The following TBC1D9B variants were observed in gnomAD, a reference collection of about 807,000 sequenced individuals.
TBC1D9B encodes TBC1 domain family, member 9B (with GRAM domain).
In TBC1D9B, 87 loss-of-function variants were observed where a neutral mutation model predicts 121.1. The observed-to-expected ratio is 0.72, with a 90% CI of 0.60 to 0.86. TBC1D9B has a LOEUF of 0.86. Among genes scored for constraint, TBC1D9B ranks in the 40% least tolerant of loss-of-function variants. The pLI, the probability that TBC1D9B is intolerant of heterozygous loss-of-function variation, is 0.00. For missense variants in TBC1D9B, 1,540 were observed against 1,628.6 expected (o/e 0.95, Z 0.94); for synonymous variants, 668 against 670.1 (o/e 1.00, Z 0.05).
chr5:179,878,859 G>A (rs566018263), intron 9 of TBC1D9B, among the ~76,000 whole-genome samples, 188 bp downstream of exon 9: 11 of 152,178 alleles, frequency 7.2e-5, no homozygotes, highest in South Asian at 2.1e-4. Flanking sequence ...TCTGTCCCTC[G>A]AGATGCTCCT....
rs766863842 is a variant in TBC1D9B at position 179,879,126 on chromosome 5, G to A, written c.1488C>T (p.Tyr496=). Residue 496 remains tyrosine (Y), a synonymous_variant, in exon 9 of 21, where the codon TAC becomes TAT. Coordinates refer to ENST00000355235, the MANE Select transcript of TBC1D9B (RefSeq NM_015043.4). ...CCAGTGCCCGCGTCTTGGCTGTGCG[G>A]TACATGCACACGCCACGCCCGTACT... ...FFEYGRGVCM[Y]RTAKTRALVL... is the part of the protein sequence containing the mutation. 8.1e-6 allele frequency: 13 copies of A among 1,607,862 alleles called. No individual in the cohort carries two copies. In the East Asian group the frequency reaches 1.1e-4, roughly 14 times the overall value.
Position 179,879,162 on chromosome 5 carries a change from G to A in TBC1D9B, c.1452C>T (p.Ile484=), listed in dbSNP as rs1480898815. ...CGCCACGCCCGTACTCGAAGAAGTG[G>A]ATGTGCCATGACTCCTCTTTCATCT... ...KEKMKEESWH[I]HFFEYGRGVC... Residue 484 remains isoleucine, a synonymous_variant, in exon 9 of 21, where the codon ATC becomes ATT. Transcript: ENST00000355235. The A allele has an allele frequency of 1.2e-6, 2 of 1,605,004 alleles. No individual in the cohort carries two copies. The highest frequency in any genetic ancestry group is 3.3e-5 in the Admixed American group (2 of 59,734).
At chr5:179,905,804 T>C (rs1245695207) in intron 1 of TBC1D9B, among the ~76,000 whole-genome samples, 1 of 152,234 alleles carries the variant, frequency 6.6e-6, no homozygotes, top group Non-Finnish European at 1.5e-5. Flanking sequence ...GATCTGAAAA[T>C]ATTTTGTTAC....
chr5:179,877,877 G>C (rs1358749227), intron 10 of TBC1D9B, among the ~76,000 whole-genome samples: 2 of 152,142 alleles, frequency 1.3e-5, no homozygotes, highest in Non-Finnish European at 2.9e-5. Flanking sequence ...ATGGAAAGTA[G>C]AACAGTGGTT....
chr5:179,876,749 G>A lies in TBC1D9B; in HGVS notation c.1783-712C>T, dbSNP rs189494186. Among the ~76,000 whole-genome samples the A allele has an allele frequency of 1.9e-3, 284 of 152,184 alleles. 2 individuals carry two copies. The highest frequency in any genetic ancestry group is 6.4e-3 in the African/African-American group (265 of 41,524). On this transcript the variant is annotated intron_variant, in intron 10 of 20. Transcript: ENST00000355235. ...GGGAATATAAAATGGTGCAGCTGCT[G>A]GGGAGGAAGTATGGAGTTCCTCAAA...
Position 179,879,712 on chromosome 5 carries a change from A to T in TBC1D9B, c.1332T>A (p.Cys444Ter), listed in dbSNP as rs1760476552. 1 of 1,614,056 alleles carries T rather than the reference A, an allele frequency of 6.2e-7. No homozygotes were observed. Among genetic ancestry groups the T allele is most frequent in the Non-Finnish European group, 8.5e-7 (1 of 1,180,040 alleles). Reference sequence around the variant, plus strand: ...GGGATGCGGTTGGCGCCTCCTGCGCACAGAAGCTCTGGCGGCTGCTGAGGG... The same window carrying T: ...GGGATGCGGTTGGCGCCTCCTGCGCTCAGAAGCTCTGGCGGCTGCTGAGGG... ...ASPLSSRQSF[C>*]AQEAPTASQG... Residue 444 changes from cysteine to a stop codon, truncating the protein, a stop_gained, in exon 8 of 21, where the codon TGT (cysteine) becomes TGA (stop). Coordinates refer to ENST00000355235, the MANE Select transcript of TBC1D9B (RefSeq NM_015043.4). LOFTEE classifies it high-confidence loss of function.
In TBC1D9B at chr5:179,863,767, TCAGA is replaced by T; in HGVS notation, c.3379_3382del (p.Ser1127ThrfsTer64). 9 of 1,613,614 alleles carry T rather than the reference TCAGA, an allele frequency of 5.6e-6. No homozygotes were observed. The highest frequency in any genetic ancestry group is 7.6e-6 in the Non-Finnish European group (9 of 1,179,992). On this transcript the variant is annotated frameshift_variant, in exon 21 of 21. Coordinates refer to ENST00000355235, the MANE Select transcript of TBC1D9B (RefSeq NM_015043.4). LOFTEE classifies it low-confidence loss of function (END_TRUNC). This position sits in a 1 kb window ranked among gnomAD's most constrained non-coding sequence, Gnocchi z 4.5. ...GGACATGTCGTCTTTGGTTTCATCGTCAGACAGCAGCTGGGAGGGTGAGCCCTGT... is the reference window on the plus strand; with the variant it reads ...GGACATGTCGTCTTTGGTTTCATCGTCAGCAGCTGGGAGGGTGAGCCCTGT...
rs568130141 is a variant in TBC1D9B at position 179,902,662 on chromosome 5, C to T, written c.229+2040G>A. 6.6e-6 allele frequency among the ~76,000 whole-genome samples: 1 copy of T among 152,102 alleles called. No individual in the cohort carries two copies. The highest frequency in any genetic ancestry group is 1.5e-5 in the Non-Finnish European group (1 of 67,856). On this transcript the variant is annotated intron_variant, in intron 2 of 20. Coordinates refer to ENST00000355235, the MANE Select transcript of TBC1D9B (RefSeq NM_015043.4). This position sits in a 1 kb window ranked among gnomAD's most constrained non-coding sequence, Gnocchi z 4.9. ...CACTCTGCCCCTCGTACTTTTCTCTCCCCAGGGACGGGCAGCTCTTGCTGC... is the reference window on the plus strand; with the variant it reads ...CACTCTGCCCCTCGTACTTTTCTCTTCCCAGGGACGGGCAGCTCTTGCTGC...
Position 179,907,888 on chromosome 5 carries a change from A to AGCGGAGCGTGCGGAGCGGAGCGT in TBC1D9B, c.-68_-67insACGCTCCGCTCCGCACGCTCCGC, listed in dbSNP as rs1554098606. ...GCGCCCGCCGCCGTCGGCGTCCCGG[A>AGCGGAGCGTGCGGAGCGGAGCGT]GCGGAGCGTGCGGAGCGGAGCGTGC... is the stretch of plus-strand genomic sequence containing the variant. On this transcript the variant is annotated 5_prime_UTR_variant, in exon 1 of 21. Coordinates refer to ENST00000355235, the MANE Select transcript of TBC1D9B (RefSeq NM_015043.4). The surrounding 1 kb of genome is among the most constrained non-coding windows in gnomAD (Gnocchi z 5.3). 19 of 914,120 alleles carry AGCGGAGCGTGCGGAGCGGAGCGT rather than the reference A, an allele frequency of 2.1e-5. No individual in the cohort carries two copies. The African/African-American group carries it at 4.0e-4, about 19-fold the overall frequency. The allele number at this position is 914,120 out of a possible 1,614,324, so 56.6% of individuals were successfully genotyped here. A position where few individuals can be genotyped will look rare whatever the true frequency, so the allele number is the denominator to read the frequency against.
At position 179,907,167 on chromosome 5, in the gene TBC1D9B, G is replaced by C. The variant is rs187318750; in HGVS notation, c.118+537C>G. Among the ~76,000 whole-genome samples the C allele has an allele frequency of 1.3e-5, 2 of 152,218 alleles. No homozygotes were observed. Among genetic ancestry groups the C allele is most frequent in the Non-Finnish European group, 2.9e-5 (2 of 68,032 alleles). The stretch of plus-strand genomic sequence containing the variant: ...GAGAGCAGCCAGGAGCAGGAAAGGT[G>C]GGGGAGGAGAAGCTGGGGGAATGGG... On this transcript the variant is annotated intron_variant, in intron 1 of 20. Transcript: ENST00000355235. This position sits in a 1 kb window ranked among gnomAD's most constrained non-coding sequence, Gnocchi z 5.3.
At chr5:179,889,067 T>G (rs1760781868) in intron 6 of TBC1D9B, among the ~76,000 whole-genome samples, 1 of 151,152 alleles carries the variant, frequency 6.6e-6, no homozygotes, top group African/African-American at 2.4e-5. Flanking sequence ...AGTCTCGCTG[T>G]CGCCCAGGCT....
rs528040948 is a variant in TBC1D9B at position 179,879,892 on chromosome 5, G to C, written c.1255-103C>G. ...GCTGGATCGGGGCCCGGTGCAAGAA[G>C]GGCCATGGGGGCAAACGGTGCACGG... is the stretch of plus-strand genomic sequence containing the variant. On this transcript the variant is annotated intron_variant, in intron 7 of 20. Transcript: ENST00000355235. The C allele has an allele frequency of 2.3e-6, 3 of 1,329,876 alleles. No individual in the cohort carries two copies. In the South Asian group the frequency reaches 4.5e-5, roughly 20 times the overall value. 82.4% of individuals were successfully genotyped at this position (1,329,876 alleles called of 1,614,324 possible).
intron 7 of TBC1D9B, among the ~76,000 whole-genome samples, chr5:179,887,515 T>A (rs1420008530): frequency 1.3e-5 from 2 of 152,190 alleles, no homozygotes; most frequent in Non-Finnish European, 2.9e-5. Context: ...TGTGGAAGAA[T>A]AAACGAGAGC....
At chr5:179,877,853 T>C (rs954296355) in intron 10 of TBC1D9B, among the ~76,000 whole-genome samples, 2 of 151,992 alleles carry the variant, frequency 1.3e-5, no homozygotes, top group Admixed American at 6.6e-5. Context: ...GACACAGTAG[T>C]CAAATTCATA....
rs1191785895 is a variant in TBC1D9B, at chr5:179,875,814, A to AG, written c.1900+105dup. 1.6e-5 allele frequency: 14 copies of AG among 858,330 alleles called. No homozygotes were observed. Among genetic ancestry groups the AG allele is most frequent in the Middle Eastern group, 7.3e-4 (2 of 2,752 alleles). The allele number at this position is 858,330 out of a possible 1,614,324, so 53.2% of individuals were successfully genotyped here. A position where few individuals can be genotyped will look rare whatever the true frequency, so the allele number is the denominator to read the frequency against. ...TGTGTAATACTACCCTCTAACTCCT[A>AG]GGGAACCCACGTGAAGCCTGGAGCT... On this transcript the variant is annotated intron_variant, in intron 11 of 20. Transcript: ENST00000355235. The surrounding 1 kb of genome is among the most constrained non-coding windows in gnomAD (Gnocchi z 4.5).
intron 1 of TBC1D9B, among the ~76,000 whole-genome samples, chr5:179,905,297 C>G (rs1361445257): frequency 6.6e-6 from 1 of 152,188 alleles, no homozygotes; most frequent in African/African-American, 2.4e-5. Flanking sequence ...CAGTTCTGGT[C>G]CTGTACTCAT....
rs773413418 is a variant in TBC1D9B, at chr5:179,875,901, A to G, written c.1900+19T>C. ...AGGCACCTGGAGACCCAGGCGAGGC[A>G]GCACCCGGGGACACTCACCCACCAC... is the stretch of plus-strand genomic sequence containing the variant. On this transcript the variant is annotated intron_variant, in intron 11 of 20. Transcript: ENST00000355235. The surrounding 1 kb of genome is among the most constrained non-coding windows in gnomAD (Gnocchi z 4.5). 3 of 1,578,838 alleles carry G rather than the reference A, an allele frequency of 1.9e-6. No individual in the cohort carries two copies. Among genetic ancestry groups the G allele is most frequent in the East Asian group, 2.3e-5 (1 of 43,414 alleles).
Position 179,904,713 on chromosome 5 carries a change from G to C in TBC1D9B, c.218C>G (p.Thr73Arg), listed in dbSNP as rs779066478. 1.3e-6 allele frequency: 2 copies of C among 1,570,340 alleles called. No homozygotes were observed. The highest frequency in any genetic ancestry group is 2.3e-5 in the East Asian group (1 of 42,742). ...HQTQDSQVYW[T>R]VACGSSRKEI... ...CTCAGGGCACCTACCACACGCCACT[G>C]TCCAGTAGACCTGGGAGTCCTGGGT... Residue 73 changes from threonine to arginine, a missense_variant, in exon 2 of 21, where the codon ACA (threonine) becomes AGA (arginine). Transcript: ENST00000355235. The surrounding 1 kb of genome is among the most constrained non-coding windows in gnomAD (Gnocchi z 4.2).
intron 4 of TBC1D9B, among the ~76,000 whole-genome samples, chr5:179,893,999 C>T (rs904099939): frequency 1.3e-5 from 2 of 152,062 alleles, no homozygotes; most frequent in East Asian, 1.9e-4. Flanking sequence ...AAATCAGGCT[C>T]GCATCCTGTG....
Sources: gnomAD v4.1 joint callset for allele counts (sites outside exome capture counted in the v4.1 genomes callset) on GRCh38, gnomAD v4.1.1 for gene constraint, Gnocchi (gnomAD v3.1) non-coding constraint, MANE v1.5 for transcripts, NCBI Gene and HGNC (gene_info 2026-07-23, HGNC 2026-07-21) for gene names.